Variants in CAMK1D observed in about 807,000 individuals in gnomAD.
CAMK1D encodes calcium/calmodulin-dependent protein kinase type 1D.
CAMK1D carries 9 observed loss-of-function variants against 47.7 expected under a neutral mutation model. The ratio of observed to expected loss-of-function variants is 0.19; its 90% CI spans 0.11 to 0.33. The LOEUF is 0.33. CAMK1D is among the 10% of genes least tolerant of loss of function. CAMK1D has a pLI of 1.00. For synonymous variants in CAMK1D, 184 were observed against 184.9 expected, an observed-to-expected ratio of 0.99 and a Z score of 0.04; for missense variants, 291 against 488.7, an observed-to-expected ratio of 0.60 and a Z score of 3.81.
intron 1 of CAMK1D, among the ~76,000 whole-genome samples, chr10:12,508,335 A>G (rs1457759564): frequency 6.6e-6 from 1 of 152,260 alleles, no homozygotes; most frequent in African/African-American, 2.4e-5. Context: ...AAAAAAAGGA[A>G]ATTCTGACCC....
At chr10:12,417,006 C>T (rs1839873213) in intron 1 of CAMK1D, among the ~76,000 whole-genome samples, 2 of 152,092 alleles carry the variant, frequency 1.3e-5, no homozygotes, top group Non-Finnish European at 1.5e-5. Flanking sequence ...CTTGGGCCTG[C>T]ATCCCAGTTT....
At chr10:12,781,600 G>A (rs1837494868) in intron 5 of CAMK1D, among the ~76,000 whole-genome samples, 1 of 152,102 alleles carries the variant, frequency 6.6e-6, no homozygotes, top group South Asian at 2.1e-4. Context: ...TGCCTGTGGT[G>A]AAACTCGAGG....
chr10:12,411,006 T>G (rs892855515), intron 1 of CAMK1D, among the ~76,000 whole-genome samples: 1 of 152,168 alleles, frequency 6.6e-6, no homozygotes, highest in African/African-American at 2.4e-5. Flanking sequence ...GCCTACACTC[T>G]TCCTGTCTTC....
At position 12,623,448 on chromosome 10, in the gene CAMK1D, C is replaced by T. The variant is rs1284521172; in HGVS notation, c.225-43288C>T. Among the ~76,000 whole-genome samples, 13 of 55,518 alleles carry T rather than the reference C, an allele frequency of 2.3e-4. 4 individuals carry two copies. Among genetic ancestry groups the T allele is most frequent in the Non-Finnish European group, 2.8e-4 (7 of 25,318 alleles). The allele number at this position is 55,518 out of a possible 152,430, so 36.4% of individuals were successfully genotyped here. A position where few individuals can be genotyped will look rare whatever the true frequency, so the allele number is the denominator to read the frequency against. On this transcript the variant is annotated intron_variant, in intron 2 of 10. Coordinates refer to ENST00000619168, the MANE Select transcript of CAMK1D (RefSeq NM_153498.4). Reference sequence around the variant, plus strand: ...TCCTCCCTCCCTCCCTTCTTTCCTTCCTTCCTCCCTCCCTCTCTCCCTCCC... The same window carrying T: ...TCCTCCCTCCCTCCCTTCTTTCCTTTCTTCCTCCCTCCCTCTCTCCCTCCC...
chr10:12,458,481 A>G (rs753145229), intron 1 of CAMK1D, among the ~76,000 whole-genome samples: 2 of 152,158 alleles, frequency 1.3e-5, no homozygotes, highest in Non-Finnish European at 2.9e-5. Context: ...CAGTAGCACG[A>G]TCATAGCTCA....
chr10:12,649,993 G>T (rs1440780943), intron 2 of CAMK1D, among the ~76,000 whole-genome samples: 1 of 152,214 alleles, frequency 6.6e-6, no homozygotes, highest in Non-Finnish European at 1.5e-5. Flanking sequence ...ATCTCTGCAA[G>T]AGAAAACACC....
At chr10:12,678,709 T>C (rs1487425493) in intron 3 of CAMK1D, among the ~76,000 whole-genome samples, 2 of 152,228 alleles carry the variant, frequency 1.3e-5, no homozygotes, top group African/African-American at 2.4e-5. Context: ...ATTAACACTT[T>C]TATCATTATA....
chr10:12,436,209 G>A (rs764852032), intron 1 of CAMK1D, among the ~76,000 whole-genome samples: 44 of 152,236 alleles, frequency 2.9e-4, no homozygotes, highest in Non-Finnish European at 3.2e-4. Flanking sequence ...CCTCTTCCAC[G>A]TACAGGCTTC....
intron 1 of CAMK1D, among the ~76,000 whole-genome samples, chr10:12,489,085 G>A (rs1400529227): frequency 1.3e-5 from 2 of 152,076 alleles, no homozygotes; most frequent in South Asian, 2.1e-4. Flanking sequence ...ACTGGCGCCC[G>A]CCACCGTGCC....
chr10:12,653,975 G>T (rs922099837), intron 2 of CAMK1D, among the ~76,000 whole-genome samples: 14 of 152,198 alleles, frequency 9.2e-5, no homozygotes, highest in Non-Finnish European at 1.8e-4. Context: ...CTTCCATGTG[G>T]GTATCAGCAC....
chr10:12,605,988 A>T (rs1691818862), intron 2 of CAMK1D, among the ~76,000 whole-genome samples: 1 of 152,230 alleles, frequency 6.6e-6, no homozygotes, highest in Non-Finnish European at 1.5e-5. Flanking sequence ...TGGCCGTGAG[A>T]GAAGCATTGC....
At chr10:12,781,814 G>C (rs1452144843) in intron 5 of CAMK1D, among the ~76,000 whole-genome samples, 1 of 151,906 alleles carries the variant, frequency 6.6e-6, no homozygotes. Flanking sequence ...ACTGCACCTG[G>C]TTTTTATATT....
At chr10:12,813,659 G>A (rs1057458020) in intron 6 of CAMK1D, among the ~76,000 whole-genome samples, 3 of 151,580 alleles carry the variant, frequency 2.0e-5, no homozygotes, top group South Asian at 2.1e-4. Flanking sequence ...TTATTAAATC[G>A]CAGTTTTACT....
At chr10:12,590,864 G>A (rs1054958556) in intron 2 of CAMK1D, among the ~76,000 whole-genome samples, 3 of 152,214 alleles carry the variant, frequency 2.0e-5, no homozygotes, top group African/African-American at 7.2e-5. Flanking sequence ...AATTGCTGGT[G>A]ACACATGAAC....
chr10:12,734,768 G>A (rs1282872088), intron 3 of CAMK1D, among the ~76,000 whole-genome samples: 1 of 151,872 alleles, frequency 6.6e-6, no homozygotes, highest in East Asian at 1.9e-4. Context: ...TTTCTTACTT[G>A]TATCAAATTT....
intron 2 of CAMK1D, among the ~76,000 whole-genome samples, chr10:12,583,757 A>G (rs1588660289): frequency 6.6e-6 from 1 of 151,870 alleles, no homozygotes; most frequent in East Asian, 1.9e-4. Flanking sequence ...GTGCACCACC[A>G]TGTCTGGCTA....
At chr10:12,570,604 C>T (rs1375654338) in intron 2 of CAMK1D, among the ~76,000 whole-genome samples, 2 of 149,306 alleles carry the variant, frequency 1.3e-5, no homozygotes, top group African/African-American at 5.0e-5. Flanking sequence ...CGCTTGAACC[C>T]AGGAGGCAGA....
At chr10:12,732,841 C>T (rs1834958480) in intron 3 of CAMK1D, among the ~76,000 whole-genome samples, 1 of 152,090 alleles carries the variant, frequency 6.6e-6, no homozygotes, top group African/African-American at 2.4e-5. Flanking sequence ...GATTACAGTG[C>T]AGGCGATGGA....
intron 3 of CAMK1D, among the ~76,000 whole-genome samples, chr10:12,749,443 T>TAAAAA (rs60406640): frequency 8.4e-6 from 1 of 119,258 alleles, no homozygotes; most frequent in African/African-American, 3.0e-5. Flanking sequence ...GCTAGAAAGT[T>TAAAAA]AAAAAAAAAA....
Sources: gnomAD v4.1 joint callset for allele counts (sites outside exome capture counted in the v4.1 genomes callset) on GRCh38, gnomAD v4.1.1 for gene constraint, MANE v1.5 for transcripts, NCBI Gene and HGNC (gene_info 2026-07-23, HGNC 2026-07-21) for gene names.